Variants in FAXC observed in about 807,000 individuals in gnomAD.
FAXC encodes failed axon connections homolog.
FAXC carries 10 observed loss-of-function variants against 41.9 expected under a neutral mutation model. The observed-to-expected ratio is 0.24, with a 90% CI of 0.15 to 0.41. The LOEUF (loss-of-function observed/expected upper bound fraction) is 0.41, where lower values mean the gene tolerates loss of function less well. Among genes scored for constraint, FAXC ranks in the 10% least tolerant of loss-of-function variants. The probability of loss-of-function intolerance (pLI) is 1.00; values close to 1 mark genes in which losing one functional copy is unlikely to be tolerated. For synonymous variants in FAXC, 183 were observed against 183.8 expected, an observed-to-expected ratio of 1.00 and a Z score of 0.03; for missense variants, 399 against 510.9, an observed-to-expected ratio of 0.78 and a Z score of 2.11.
chr6:99,272,694 A>C lies in FAXC; in HGVS notation c.*8470T>G, dbSNP rs924429632. The C allele has an allele frequency of 3.9e-5, 6 of 152,156 alleles. No homozygotes were observed. The highest frequency in any genetic ancestry group is 3.9e-4 in the Admixed American group (6 of 15,272). 9.4% of individuals were successfully genotyped at this position (152,156 alleles called of 1,614,324 possible). A position where few individuals can be genotyped will look rare whatever the true frequency, so the allele number is the denominator to read the frequency against. ...AGATCTGTTTTTCTTCTTAAAAGCC[A>C]CTCACTTGAAATTCTATCAAAGTTA... On this transcript the variant is annotated 3_prime_UTR_variant, in exon 6 of 6. Coordinates refer to ENST00000389677, the MANE Select transcript of FAXC (RefSeq NM_032511.4).
In FAXC at chr6:99,281,435, G is replaced by T; in HGVS notation, c.959C>A (p.Ala320Asp). 6.2e-7 allele frequency: 1 copy of T among 1,613,216 alleles called. No homozygotes were observed. The highest frequency in any genetic ancestry group is 1.3e-5 in the African/African-American group (1 of 75,008). ...CCTCCTTATCCTCTCACAGTACATG[G>T]CAAGGTTGATCAGCTCACCTGCAGT... ...RLIKGELINL[A>D]MYCERIRRKF... The change falls in exon 6 of 6, where the codon GCC becomes GAC. Residue 320 changes from alanine to aspartate, a missense_variant. This residue lies in a region of FAXC where 239 missense variants were observed against 352.7 expected (regional missense o/e 0.68). Coordinates refer to ENST00000389677, the MANE Select transcript of FAXC (RefSeq NM_032511.4).
At chr6:99,293,986 A>G (rs1771363616) in intron 4 of FAXC, among the ~76,000 whole-genome samples, 1 of 152,166 alleles carries the variant, frequency 6.6e-6, no homozygotes. Context: ...CAACTGTTAC[A>G]GCACAAATGA....
At chr6:99,299,858 A>G (rs1375341568) in intron 4 of FAXC, among the ~76,000 whole-genome samples, 2 of 152,058 alleles carry the variant, frequency 1.3e-5, no homozygotes, top group Admixed American at 1.3e-4. Context: ...CTACAAGCAT[A>G]CTCTAAAATC....
At chr6:99,310,457 G>A (rs188096899) in intron 4 of FAXC, among the ~76,000 whole-genome samples, 8 of 152,232 alleles carry the variant, frequency 5.3e-5, no homozygotes, top group African/African-American at 1.4e-4. Context: ...TGTGGTGCCC[G>A]CATAGCTGTG....
rs1014379620 is a variant in FAXC, at chr6:99,276,321, A to C, written c.*4843T>G. 6.6e-6 allele frequency: 1 copy of C among 152,098 alleles called. No individual in the cohort carries two copies. The highest frequency in any genetic ancestry group is 2.4e-5 in the African/African-American group (1 of 41,426). 9.4% of individuals were successfully genotyped at this position (152,098 alleles called of 1,614,324 possible). On this transcript the variant is annotated 3_prime_UTR_variant, in exon 6 of 6. Transcript: ENST00000389677. The stretch of plus-strand genomic sequence containing the variant: ...GACCTTTCTTCTTTAAGGAAGAAAA[A>C]TCCAGCCTCTTCTCTCCCACCTTCA...
chr6:99,315,425 C>A (rs958465380), intron 4 of FAXC, among the ~76,000 whole-genome samples: 1 of 152,048 alleles, frequency 6.6e-6, no homozygotes, highest in African/African-American at 2.4e-5. Context: ...CCTGCAATAT[C>A]TCCCTCAGGT....
Position 99,333,210 on chromosome 6 carries a change from T to C in FAXC, c.599+141A>G, listed in dbSNP as rs1333366344. The stretch of plus-strand genomic sequence containing the variant: ...GTAACCAGAAACTTCACAGTCATAA[T>C]AACTTTGATGACTGAGCCACTCACT... On this transcript the variant is annotated intron_variant, in intron 3 of 5. Coordinates refer to ENST00000389677, the MANE Select transcript of FAXC (RefSeq NM_032511.4). 2.1e-5 allele frequency: 14 copies of C among 679,958 alleles called. No homozygotes were observed. The Admixed American group carries it at 3.7e-4, about 18-fold the overall frequency. 42.1% of individuals were successfully genotyped at this position (679,958 alleles called of 1,614,324 possible).
intron 4 of FAXC, among the ~76,000 whole-genome samples, chr6:99,310,781 T>A (rs531605129): frequency 6.6e-6 from 1 of 152,220 alleles, no homozygotes; most frequent in Non-Finnish European, 1.5e-5. Flanking sequence ...TAGATGTTCA[T>A]CCTTTTCCAC....
chr6:99,312,507 C>A (rs553711424), intron 4 of FAXC, among the ~76,000 whole-genome samples: 1 of 152,312 alleles, frequency 6.6e-6, no homozygotes, highest in African/African-American at 2.4e-5. Flanking sequence ...TCTGAAGATA[C>A]ACCAACTTAT....
chr6:99,342,851 C>A lies in FAXC; in HGVS notation c.402+47G>T, dbSNP rs139208714. 4.8e-5 allele frequency: 74 copies of A among 1,545,614 alleles called. No individual in the cohort carries two copies. In the African/African-American group the frequency reaches 9.9e-4, roughly 21 times the overall value. On this transcript the variant is annotated intron_variant, in intron 2 of 5. Coordinates refer to ENST00000389677, the MANE Select transcript of FAXC (RefSeq NM_032511.4). ...TCCCCCCTTTAGTTAAATACTCATC[C>A]CCTGATACTGATGTCATAAAAAGAA...
chr6:99,285,985 G>A (rs1257513414), intron 5 of FAXC, among the ~76,000 whole-genome samples: 1 of 152,206 alleles, frequency 6.6e-6, no homozygotes, highest in Non-Finnish European at 1.5e-5. Context: ...AGGAATGTGG[G>A]TGAGAGAGAA....
At chr6:99,281,806 T>C (rs1036017750) in intron 5 of FAXC, among the ~76,000 whole-genome samples, 1 of 152,238 alleles carries the variant, frequency 6.6e-6, no homozygotes, top group Non-Finnish European at 1.5e-5. Context: ...TGATCCTGCA[T>C]TTCCCAGACT....
At chr6:99,331,686 A>T (rs2128462327) in intron 3 of FAXC, among the ~76,000 whole-genome samples, 1 of 152,330 alleles carries the variant, frequency 6.6e-6, no homozygotes, top group East Asian at 1.9e-4. Context: ...CAGCTCTGGC[A>T]ATCAATGGGC....
At chr6:99,287,673 C>T (rs1016667274) in intron 5 of FAXC, among the ~76,000 whole-genome samples, 3 of 152,312 alleles carry the variant, frequency 2.0e-5, no homozygotes, top group Non-Finnish European at 1.5e-5. Flanking sequence ...TGCCTGAATC[C>T]GAGCCACTTA....
intron 4 of FAXC, among the ~76,000 whole-genome samples, chr6:99,308,017 C>G (rs1359358059): frequency 1.3e-5 from 2 of 152,166 alleles, no homozygotes; most frequent in African/African-American, 4.8e-5. Flanking sequence ...AAAATCCAGG[C>G]CAGTCGCAGT....
In FAXC at chr6:99,274,584, C is replaced by A. The variant is rs1358337091; in HGVS notation, c.*6580G>T. ...CAGACATTTGGCATGATGTAGATCA[C>A]TGGGAAAAAAACATGTGTTTACAAT... On this transcript the variant is annotated 3_prime_UTR_variant, in exon 6 of 6. Transcript: ENST00000389677. 1 of 152,150 alleles carries A rather than the reference C, an allele frequency of 6.6e-6. No homozygotes were observed. The highest frequency in any genetic ancestry group is 1.5e-5 in the Non-Finnish European group (1 of 68,022). 9.4% of individuals were successfully genotyped at this position (152,150 alleles called of 1,614,324 possible).
Position 99,323,932 on chromosome 6 carries a change from C to T in FAXC, c.600-265G>A, listed in dbSNP as rs1442789567. 3.3e-5 allele frequency among the ~76,000 whole-genome samples: 5 copies of T among 152,118 alleles called. No individual in the cohort carries two copies. The East Asian group carries it at 9.6e-4, about 29-fold the overall frequency. ...GTACCCACCCTCAGACCTCTCCCCTCCCCTCCCAGTGCCACGTTTCTGCCT... is the reference window on the plus strand; with the variant it reads ...GTACCCACCCTCAGACCTCTCCCCTTCCCTCCCAGTGCCACGTTTCTGCCT... On this transcript the variant is annotated intron_variant, in intron 3 of 5. Coordinates refer to ENST00000389677, the MANE Select transcript of FAXC (RefSeq NM_032511.4).
At chr6:99,281,560 T>C in intron 5 of FAXC, 107 bp from the exon 6 acceptor site, 2 of 901,146 alleles carry the variant, frequency 2.2e-6, no homozygotes, top group Non-Finnish European at 1.7e-6. Flanking sequence ...TGACTCCCAA[T>C]GTGATGGTCT....
chr6:99,287,556 G>A (rs983648025), intron 5 of FAXC, among the ~76,000 whole-genome samples: 5 of 152,102 alleles, frequency 3.3e-5, no homozygotes, highest in East Asian at 3.8e-4. Flanking sequence ...AGCTTGTGTG[G>A]CTTTATAAAT....
Sources: allele counts gnomAD v4.1 joint callset (sites outside exome capture counted in the v4.1 genomes callset), GRCh38; gene constraint gnomAD v4.1.1; regional missense constraint gnomAD v4.1.1; transcripts MANE v1.5; gene names NCBI Gene and HGNC (gene_info 2026-07-23, HGNC 2026-07-21).